TMEM135: variants seen among roughly 807,000 people sequenced by gnomAD.
TMEM135 encodes transmembrane protein 135, also known as peroxisomal membrane protein 52.
In TMEM135, 30 loss-of-function variants were observed where a neutral mutation model predicts 60.3. The ratio of observed to expected loss-of-function variants is 0.50; its 90% CI spans 0.37 to 0.68. TMEM135 has a LOEUF of 0.68. TMEM135 is among the 30% of genes least tolerant of loss of function. TMEM135 has a pLI of 0.00. For missense variants in TMEM135, 468 were observed against 548.8 expected (o/e 0.85, Z 1.47); for synonymous variants, 190 against 186.7 (o/e 1.02, Z -0.14).
At chr11:87,147,093 A>AGGGGGATCACCTGAAGTC (rs1938436344) in intron 4 of TMEM135, among the ~76,000 whole-genome samples, 1 of 152,152 alleles carries the variant, frequency 6.6e-6, no homozygotes, top group Admixed American at 6.5e-5. Context: ...AAGCCGAGAC[A>AGGGGGATCACCTGAAGTC]GGGGGATCAC....
chr11:87,321,614 T>G lies in TMEM135; in HGVS notation c.*281T>G, dbSNP rs1439873792. ...AATTATGTCCACAAGCAATATTATA[T>G]AATCTACGTAGAAGTGTAATAACAA... On this transcript the variant is annotated 3_prime_UTR_variant, in exon 15 of 15. Coordinates refer to ENST00000305494, the MANE Select transcript of TMEM135 (RefSeq NM_022918.4). 1.7e-6 allele frequency: 1 copy of G among 572,830 alleles called. No individual in the cohort carries two copies. The highest frequency in any genetic ancestry group is 1.8e-5 in the African/African-American group (1 of 54,198). The allele number at this position is 572,830 out of a possible 1,614,324, so 35.5% of individuals were successfully genotyped here. A position where few individuals can be genotyped will look rare whatever the true frequency, so the allele number is the denominator to read the frequency against.
chr11:87,159,611 A>ACACACACACACG (rs1228938204), intron 5 of TMEM135, among the ~76,000 whole-genome samples: 434 of 144,594 alleles, frequency 3.0e-3, no homozygotes, highest in Admixed American at 5.7e-3. Flanking sequence ...ACACACACAC[A>ACACACACACACG]CACACACCAT....
At chr11:87,217,999 T>C (rs372428518) in intron 5 of TMEM135, among the ~76,000 whole-genome samples, 2 of 152,122 alleles carry the variant, frequency 1.3e-5, no homozygotes, top group East Asian at 3.9e-4. Flanking sequence ...TTAAGCTTCT[T>C]CTAGGGCAGT....
At chr11:87,039,980 T>C (rs1949736927) in intron 1 of TMEM135, among the ~76,000 whole-genome samples, 1 of 152,030 alleles carries the variant, frequency 6.6e-6, no homozygotes, top group South Asian at 2.1e-4. Context: ...AGGAAAAGAG[T>C]TGTGTTTTAC....
chr11:87,240,807 C>G (rs983584946), intron 6 of TMEM135, among the ~76,000 whole-genome samples: 3 of 152,080 alleles, frequency 2.0e-5, no homozygotes, highest in Admixed American at 2.0e-4. Context: ...CAATCCCAAC[C>G]TAGTAAGTAC....
intron 6 of TMEM135, among the ~76,000 whole-genome samples, chr11:87,283,125 G>C (rs924115487): frequency 9.2e-5 from 14 of 151,718 alleles, no homozygotes; most frequent in Non-Finnish European, 7.4e-5. Context: ...ACCTGAGGTC[G>C]GGAGTTCGAG....
intron 5 of TMEM135, among the ~76,000 whole-genome samples, chr11:87,211,641 C>T (rs1021513888): frequency 5.9e-5 from 9 of 152,184 alleles, no homozygotes; most frequent in South Asian, 2.1e-4. Flanking sequence ...ATCTGTTTTT[C>T]GACTGCTCTT....
At position 87,302,460 on chromosome 11, in the gene TMEM135, A is replaced by G. The variant is rs779621107; in HGVS notation, c.698+18A>G. The stretch of plus-strand genomic sequence containing the variant: ...GATTCAATGTGAGCTCTTTATCTTG[A>G]TATTTTAACCTGCTTTGTCACTGTT... On this transcript the variant is annotated intron_variant, in intron 8 of 14. Coordinates refer to ENST00000305494, the MANE Select transcript of TMEM135 (RefSeq NM_022918.4). 1.2e-6 allele frequency: 2 copies of G among 1,613,550 alleles called. No homozygotes were observed. Among genetic ancestry groups the G allele is most frequent in the East Asian group, 2.2e-5 (1 of 44,790 alleles).
At chr11:87,306,082 T>A in intron 9 of TMEM135, 77 bp downstream of exon 9, 1 of 883,530 alleles carries the variant, frequency 1.1e-6, no homozygotes, top group Non-Finnish European at 1.6e-6. Context: ...AGAAATAATT[T>A]AAAAATAAAT....
intron 5 of TMEM135, among the ~76,000 whole-genome samples, chr11:87,181,568 T>TG (rs1297826944): frequency 2.0e-5 from 3 of 152,178 alleles, no homozygotes; most frequent in African/African-American, 4.8e-5. Context: ...GATCAGTGTT[T>TG]GTCAGAGATT....
At chr11:87,044,976 G>C (rs1949782432) in intron 1 of TMEM135, among the ~76,000 whole-genome samples, 1 of 151,256 alleles carries the variant, frequency 6.6e-6, no homozygotes, top group Non-Finnish European at 1.5e-5. Flanking sequence ...ATGAACAATT[G>C]AATAATGGGT....
chr11:87,038,208 G>T, intron 1 of TMEM135, 22 bp downstream of exon 1: 1 of 1,613,790 alleles, frequency 6.2e-7, no homozygotes, highest in Non-Finnish European at 8.5e-7. Flanking sequence ...CACCCGTCCC[G>T]CAGGGCGAGT....
At chr11:87,233,159 A>G (rs1940924218) in intron 5 of TMEM135, among the ~76,000 whole-genome samples, 1 of 152,166 alleles carries the variant, frequency 6.6e-6, no homozygotes, top group African/African-American at 2.4e-5. Flanking sequence ...CAAAAAACAA[A>G]GCAAAACAGA....
intron 7 of TMEM135, among the ~76,000 whole-genome samples, chr11:87,301,049 A>G (rs923717414): frequency 3.3e-5 from 5 of 152,340 alleles, no homozygotes; most frequent in African/African-American, 1.2e-4. Flanking sequence ...TAAGTAAGAA[A>G]CAAATTCATT....
chr11:87,195,386 CTTCCTTCT>C (rs1565482209), intron 5 of TMEM135, among the ~76,000 whole-genome samples: 1 of 58,736 alleles, frequency 1.7e-5, no homozygotes, highest in African/African-American at 6.3e-5. Flanking sequence ...TCCTTCCTTC[CTTCCTTCT>C]CTCTCTCTCT....
chr11:87,069,841 G>C (rs1856741589), intron 2 of TMEM135, among the ~76,000 whole-genome samples: 1 of 152,078 alleles, frequency 6.6e-6, no homozygotes, highest in Non-Finnish European at 1.5e-5. Context: ...GTCCTCAATA[G>C]CTTTTCTAAT....
At chr11:87,039,640 G>A (rs1411333576) in intron 1 of TMEM135, among the ~76,000 whole-genome samples, 1 of 152,194 alleles carries the variant, frequency 6.6e-6, no homozygotes, top group African/African-American at 2.4e-5. Context: ...CGCAATCACG[G>A]CTCACTGCAT....
intron 4 of TMEM135, among the ~76,000 whole-genome samples, chr11:87,106,136 C>T (rs1857589433): frequency 2.0e-5 from 3 of 151,414 alleles, no homozygotes; most frequent in Admixed American, 1.3e-4. Context: ...CAGAGTCTCT[C>T]TCTGTTGCTC....
intron 2 of TMEM135, among the ~76,000 whole-genome samples, chr11:87,070,789 C>T (rs11234948): frequency 7.2e-5 from 11 of 152,012 alleles, no homozygotes; most frequent in South Asian, 2.1e-4. Context: ...AAAACTAAAA[C>T]GTATAAAATA....
Sources: allele counts gnomAD v4.1 joint callset (sites outside exome capture counted in the v4.1 genomes callset), GRCh38; gene constraint gnomAD v4.1.1; transcripts MANE v1.5; gene names NCBI Gene and HGNC (gene_info 2026-07-23, HGNC 2026-07-21).